DYNC2I2: variants seen among roughly 807,000 people sequenced by gnomAD.
DYNC2I2 encodes cytoplasmic dynein 2 intermediate chain 2.
DYNC2I2 carries 39 observed loss-of-function variants against 52.0 expected under a neutral mutation model. That is an observed-to-expected ratio of 0.75 (90% CI 0.58 to 0.98). The LOEUF (loss-of-function observed/expected upper bound fraction) is 0.98, where lower values mean the gene tolerates loss of function less well. Ranked by LOEUF, DYNC2I2 falls within the 50% of genes least tolerant of loss-of-function variation. The pLI is 0.00. For synonymous variants in DYNC2I2, 359 were observed against 321.1 expected (o/e 1.12, Z -1.26); for missense variants, 743 against 728.4 (o/e 1.02, Z -0.23).
upstream of DYNC2I2, among the ~76,000 whole-genome samples, chr9:128,659,326 T>G (rs547396793): frequency 6.6e-6 from 1 of 150,686 alleles, no homozygotes; most frequent in Non-Finnish European, 1.5e-5. Flanking sequence ...AAACCCCATC[T>G]CTACTAAAAA....
chr9:128,679,355 C>T, the DYNC2I2 span, among the ~76,000 whole-genome samples: 1 of 152,188 alleles, frequency 6.6e-6, no homozygotes, highest in Admixed American at 6.6e-5. Flanking sequence ...CGATGAGGGA[C>T]ATGGGTGATG....
chr9:128,672,698 A>G, the DYNC2I2 span, among the ~76,000 whole-genome samples: 4 of 152,116 alleles, frequency 2.6e-5, no homozygotes, highest in Non-Finnish European at 5.9e-5. Flanking sequence ...CAGACACTAC[A>G]GAAGAGCAAC....
chr9:128,674,729 C>T, the DYNC2I2 span, among the ~76,000 whole-genome samples: 15 of 152,074 alleles, frequency 9.9e-5, no homozygotes, highest in Middle Eastern at 6.8e-3. Context: ...AGAGAGAGAT[C>T]GAGACTCCGT....
the DYNC2I2 span, among the ~76,000 whole-genome samples, chr9:128,664,548 G>T: frequency 2.7e-5 from 4 of 150,818 alleles, no homozygotes; most frequent in Non-Finnish European, 5.9e-5. Flanking sequence ...GAAGTGTCGC[G>T]ATCCTGGCTC....
At chr9:128,647,792 A>G (rs541903036) in intron 1 of DYNC2I2, among the ~76,000 whole-genome samples, 1 of 151,854 alleles carries the variant, frequency 6.6e-6, no homozygotes, top group Non-Finnish European at 1.5e-5. Context: ...GACTTTATGT[A>G]ATCAGACCAG....
chr9:128,667,836 G>A, the DYNC2I2 span, among the ~76,000 whole-genome samples: 3 of 143,204 alleles, frequency 2.1e-5, no homozygotes, highest in Admixed American at 6.8e-5. Flanking sequence ...GGGTTCAAGC[G>A]ATTCTCCTGC....
rs1434467950 is a variant in DYNC2I2, at chr9:128,636,924, T to C, written c.539A>G (p.Tyr180Cys). Residue 180 changes from tyrosine to cysteine, a missense_variant, in exon 3 of 9, where the codon TAC becomes TGC. Tyr to Cys is a radical substitution (Grantham distance 194). Coordinates refer to ENST00000372715, the MANE Select transcript of DYNC2I2 (RefSeq NM_052844.4). ...CTGCCCCGCTGCCACTCACCGGCCG[T>C]AGGCACAGGCCACCACAGAGCCAGT... is the stretch of plus-strand genomic sequence containing the variant. ...NSTGSVVACAYGRLDHGDWST... is the reference protein window; with the variant it reads ...NSTGSVVACACGRLDHGDWST... 6.2e-7 allele frequency: 1 copy of C among 1,611,508 alleles called. No individual in the cohort carries two copies.
intron 1 of DYNC2I2, among the ~76,000 whole-genome samples, chr9:128,649,811 G>A (rs542469159): frequency 0.18 from 5,327 of 29,096 alleles, 864 homozygotes; most frequent in Non-Finnish European, 0.46. Context: ...TAACCAACAT[G>A]GTGAAACCCC....
chr9:128,654,204 C>A (rs1039543689), intron 1 of DYNC2I2, among the ~76,000 whole-genome samples: 1 of 152,128 alleles, frequency 6.6e-6, no homozygotes, highest in Non-Finnish European at 1.5e-5. Context: ...CAAGCCACAT[C>A]AGATCCTGGC....
upstream of DYNC2I2, among the ~76,000 whole-genome samples, chr9:128,659,721 C>T (rs1447185561): frequency 2.0e-5 from 3 of 151,804 alleles, no homozygotes; most frequent in Admixed American, 6.6e-5. Flanking sequence ...CCAGCCTGAC[C>T]AACATGGTGA....
intron 4 of DYNC2I2, chr9:128,636,066 TC>T (rs771917413): frequency 1.1e-4 from 90 of 834,996 alleles, no homozygotes; most frequent in Non-Finnish European, 1.7e-4. Flanking sequence ...CAGCCCCCTG[TC>T]CTGGCCCCGA....
At position 128,653,442 on chromosome 9, in the gene DYNC2I2, C is replaced by T. The variant is rs760955643; in HGVS notation, c.186+3099G>A. Among the ~76,000 whole-genome samples the T allele has an allele frequency of 5.3e-5, 8 of 150,746 alleles. No individual in the cohort carries two copies. In the East Asian group the frequency reaches 1.2e-3, roughly 22 times the overall value. On this transcript the variant is annotated intron_variant, in intron 1 of 8. Transcript: ENST00000372715. Reference sequence around the variant, plus strand: ...AAAATAAAAAAAACTGGGCCGGACACGGTGGCTCACACCTGTAATCCCAGC... The same window carrying T: ...AAAATAAAAAAAACTGGGCCGGACATGGTGGCTCACACCTGTAATCCCAGC...
At chr9:128,653,105 T>C (rs930094501) in intron 1 of DYNC2I2, among the ~76,000 whole-genome samples, 1 of 149,720 alleles carries the variant, frequency 6.7e-6, no homozygotes, top group Non-Finnish European at 1.5e-5. Flanking sequence ...GGCGTGCACC[T>C]GTTATCCCAG....
In DYNC2I2 at chr9:128,633,804, C is replaced by G. The variant is rs148693978; in HGVS notation, c.1551G>C (p.Thr517=). 1.2e-6 allele frequency: 2 copies of G among 1,613,478 alleles called. No individual in the cohort carries two copies. The highest frequency in any genetic ancestry group is 2.2e-5 in the East Asian group (1 of 44,894). The change falls in exon 9 of 9, where the codon ACG becomes ACC. Residue 517 remains threonine, a synonymous_variant. Coordinates refer to ENST00000372715, the MANE Select transcript of DYNC2I2 (RefSeq NM_052844.4). ...CCTCAGCTTCCCGGGGCCCTTGTTC[C>G]GTGAACTCTGTGCTCAGCTGCCACA... ...VKVWQLSTEF[T]EQGPREAEDL... is the part of the protein sequence containing the mutation.
At chr9:128,637,474 A>C (rs1860437895) in intron 2 of DYNC2I2, among the ~76,000 whole-genome samples, 1 of 152,016 alleles carries the variant, frequency 6.6e-6, no homozygotes, top group African/African-American at 2.4e-5. Flanking sequence ...ACAGAGTCTC[A>C]CTCTGTGGCC....
the DYNC2I2 span, among the ~76,000 whole-genome samples, chr9:128,666,942 T>G: frequency 6.6e-6 from 1 of 151,932 alleles, no homozygotes; most frequent in African/African-American, 2.4e-5. Flanking sequence ...GGCTCACTCC[T>G]GTAATTCCAG....
upstream of DYNC2I2, among the ~76,000 whole-genome samples, chr9:128,659,319 C>A (rs1860890712): frequency 1.3e-5 from 2 of 151,248 alleles, no homozygotes; most frequent in South Asian, 4.2e-4. Context: ...CATGATGAAA[C>A]CCCATCTCTA....
chr9:128,647,455 G>A (rs1360009844), intron 1 of DYNC2I2, among the ~76,000 whole-genome samples: 3 of 152,142 alleles, frequency 2.0e-5, no homozygotes, highest in Non-Finnish European at 2.9e-5. Context: ...GTATTCAGGG[G>A]CCAGGCGCTA....
the DYNC2I2 span, among the ~76,000 whole-genome samples, chr9:128,678,294 C>G: frequency 6.6e-6 from 1 of 151,604 alleles, no homozygotes; most frequent in African/African-American, 2.4e-5. Context: ...TCTCGAACTC[C>G]TGACCTCAGG....
Sources: allele counts gnomAD v4.1 joint callset (sites outside exome capture counted in the v4.1 genomes callset), GRCh38; gene constraint gnomAD v4.1.1; transcripts MANE v1.5; gene names NCBI Gene and HGNC (gene_info 2026-07-23, HGNC 2026-07-21).